The following SYT1 variants were observed in gnomAD, a reference collection of about 807,000 sequenced individuals.
SYT1 encodes synaptotagmin 1, also known as synaptotagmin-1.
Under a neutral mutation model 44.8 loss-of-function variants are expected in SYT1, and 8 were observed. The ratio of observed to expected loss-of-function variants is 0.18; its 90% CI spans 0.10 to 0.32. The LOEUF (loss-of-function observed/expected upper bound fraction) is 0.32. SYT1 is among the 10% of genes least tolerant of loss of function. SYT1 has a pLI of 1.00. For missense variants in SYT1, 286 were observed against 509.3 expected, an observed-to-expected ratio of 0.56 and a Z score of 4.22; for synonymous variants, 154 against 188.8, an observed-to-expected ratio of 0.82 and a Z score of 1.51.
chr12:79,096,402 C>T (rs189007562), intron 3 of SYT1, among the ~76,000 whole-genome samples: 7 of 152,034 alleles, frequency 4.6e-5, no homozygotes, highest in Admixed American at 3.9e-4. Context: ...TTTTGGTTTC[C>T]TGCATTGGTC....
intron 10 of SYT1, among the ~76,000 whole-genome samples, chr12:79,446,763 C>T (rs958649397): frequency 3.9e-5 from 6 of 152,154 alleles, no homozygotes; most frequent in African/African-American, 7.2e-5. Flanking sequence ...CCTGAACCAG[C>T]GGGCCCCCTG....
intron 3 of SYT1, among the ~76,000 whole-genome samples, chr12:79,092,002 A>T (rs1877810481): frequency 6.6e-6 from 1 of 151,962 alleles, no homozygotes; most frequent in Admixed American, 6.6e-5. Context: ...AACTTTTGAA[A>T]GCCTCTTGAG....
intron 2 of SYT1, among the ~76,000 whole-genome samples, chr12:79,037,120 T>C (rs1321053621): frequency 6.6e-6 from 1 of 151,872 alleles, no homozygotes; most frequent in African/African-American, 2.4e-5. Flanking sequence ...ACAATTCTGC[T>C]CCTGATATTC....
At chr12:79,420,414 C>A (rs1869033982) in intron 9 of SYT1, among the ~76,000 whole-genome samples, 1 of 152,126 alleles carries the variant, frequency 6.6e-6, no homozygotes, top group South Asian at 2.1e-4. Context: ...ATGGGTCCCT[C>A]CCTTCTTTAC....
intron 8 of SYT1, among the ~76,000 whole-genome samples, chr12:79,342,941 A>T (rs2139054023): frequency 6.6e-6 from 1 of 152,350 alleles, no homozygotes; most frequent in South Asian, 2.1e-4. Context: ...CTGGAGAATC[A>T]CTTCCATATT....
At chr12:79,369,053 C>T (rs1173111857) in intron 9 of SYT1, among the ~76,000 whole-genome samples, 1 of 152,170 alleles carries the variant, frequency 6.6e-6, no homozygotes, top group Non-Finnish European at 1.5e-5. Context: ...TAAATTTGCC[C>T]ATATCAGTCA....
At chr12:79,309,503 G>A (rs1184524406) in intron 8 of SYT1, among the ~76,000 whole-genome samples, 1 of 152,106 alleles carries the variant, frequency 6.6e-6, no homozygotes, top group East Asian at 1.9e-4. Context: ...TTAGAAATCT[G>A]AGAGTAAAGT....
intron 8 of SYT1, among the ~76,000 whole-genome samples, chr12:79,318,876 A>G (rs1465499138): frequency 6.6e-6 from 1 of 152,244 alleles, no homozygotes; most frequent in Non-Finnish European, 1.5e-5. Context: ...TAAAATAGGC[A>G]GAGAGTGTGG....
chr12:79,102,875 A>T (rs1878519454), intron 3 of SYT1: 1 of 151,914 alleles, frequency 6.6e-6, no homozygotes, highest in Non-Finnish European at 1.5e-5. Context: ...ATTTCATAAA[A>T]TGGACCCAAC....
chr12:79,288,018 G>A (rs1337605192), intron 5 of SYT1, among the ~76,000 whole-genome samples: 1 of 152,074 alleles, frequency 6.6e-6, no homozygotes, highest in Admixed American at 6.6e-5. Context: ...CTCAATTTTT[G>A]TAAGTTATGA....
intron 5 of SYT1, among the ~76,000 whole-genome samples, chr12:79,290,741 T>C (rs1162654096): frequency 6.6e-6 from 1 of 152,084 alleles, no homozygotes; most frequent in East Asian, 1.9e-4. Flanking sequence ...AGACAATAAT[T>C]GTGATATATA....
intron 4 of SYT1, 118 bp downstream of exon 4, chr12:79,217,803 T>C (rs1202488050): frequency 2.6e-6 from 2 of 767,034 alleles, no homozygotes; most frequent in African/African-American, 1.8e-5. Context: ...TTTATTACTA[T>C]GGGAATGATA....
At chr12:79,137,081 T>C (rs1869239767) in intron 3 of SYT1, among the ~76,000 whole-genome samples, 1 of 151,976 alleles carries the variant, frequency 6.6e-6, no homozygotes, top group African/African-American at 2.4e-5. Context: ...TTCCAAATAC[T>C]ATACTTGGAA....
intron 8 of SYT1, among the ~76,000 whole-genome samples, chr12:79,338,403 G>A (rs1882188408): frequency 2.7e-5 from 4 of 150,798 alleles, no homozygotes; most frequent in African/African-American, 9.8e-5. Flanking sequence ...TCCTACCTCA[G>A]CCTCCCAAGT....
chr12:79,011,681 C>T (rs908279345), intron 2 of SYT1, among the ~76,000 whole-genome samples: 5 of 149,634 alleles, frequency 3.3e-5, no homozygotes, highest in East Asian at 2.0e-4. Flanking sequence ...AAAAAAACAC[C>T]TGTGACCAAT....
intron 9 of SYT1, among the ~76,000 whole-genome samples, chr12:79,429,809 A>T (rs1407000232): frequency 6.6e-6 from 1 of 152,210 alleles, no homozygotes; most frequent in Non-Finnish European, 1.5e-5. Context: ...CATATGGCAC[A>T]TGGACTTGGA....
At chr12:79,237,238 C>A (rs2138638416) in intron 4 of SYT1, among the ~76,000 whole-genome samples, 1 of 152,266 alleles carries the variant, frequency 6.6e-6, no homozygotes, top group East Asian at 1.9e-4. Flanking sequence ...AGCTGGGTAA[C>A]CATTCCAGGG....
intron 3 of SYT1, among the ~76,000 whole-genome samples, chr12:79,134,375 A>T (rs1189909004): frequency 6.6e-6 from 1 of 152,210 alleles, no homozygotes; most frequent in African/African-American, 2.4e-5. Context: ...GTAAAAGCTG[A>T]GGAACATTTT....
intron 3 of SYT1, among the ~76,000 whole-genome samples, chr12:79,047,967 C>G (rs1236515124): frequency 6.6e-6 from 1 of 151,740 alleles, no homozygotes; most frequent in Non-Finnish European, 1.5e-5. Context: ...ATGTTGATGT[C>G]AATCTTTATG....
Sources: allele counts gnomAD v4.1 joint callset (sites outside exome capture counted in the v4.1 genomes callset), GRCh38; gene constraint gnomAD v4.1.1; transcripts MANE v1.5; gene names NCBI Gene and HGNC (gene_info 2026-07-23, HGNC 2026-07-21).